The following CDH20 variants were observed in gnomAD, a reference collection of about 807,000 sequenced individuals.
CDH20 encodes the protein cadherin 20.
A neutral mutation model predicts 74.2 loss-of-function variants in CDH20; 29 were observed. The observed-to-expected ratio is 0.39, with a 90% CI of 0.29 to 0.53. CDH20 has a LOEUF of 0.53. Among genes scored for constraint, CDH20 ranks in the 20% least tolerant of loss-of-function variants. The probability of loss-of-function intolerance (pLI) is 0.69; values close to 1 mark genes in which losing one functional copy is unlikely to be tolerated. For synonymous variants in CDH20, 469 were observed against 405.4 expected, an observed-to-expected ratio of 1.16 and a Z score of -1.88; for missense variants, 988 against 1,048.3, an observed-to-expected ratio of 0.94 and a Z score of 0.79.
At chr18:61,363,703 G>C (rs1332568084) in intron 1 of CDH20, among the ~76,000 whole-genome samples, 1 of 152,116 alleles carries the variant, frequency 6.6e-6, no homozygotes, top group Non-Finnish European at 1.5e-5. Context: ...ACTTATTGCA[G>C]ATTTATGAAG....
At chr18:61,417,860 C>T (rs1379216322) in intron 1 of CDH20, among the ~76,000 whole-genome samples, 1 of 152,098 alleles carries the variant, frequency 6.6e-6, no homozygotes, top group Non-Finnish European at 1.5e-5. Flanking sequence ...TGATGGCTAC[C>T]TCAGTTACAC....
chr18:61,541,465 G>A (rs1913036110), intron 9 of CDH20, among the ~76,000 whole-genome samples: 1 of 152,074 alleles, frequency 6.6e-6, no homozygotes. Context: ...AACAAGTGAA[G>A]AACATTTCAA....
At chr18:61,542,270 G>A (rs912428863) in intron 9 of CDH20, among the ~76,000 whole-genome samples, 11 of 152,160 alleles carry the variant, frequency 7.2e-5, no homozygotes, top group African/African-American at 2.4e-4. Flanking sequence ...GATTGGCTGT[G>A]AGCAAGTTTA....
intron 1 of CDH20, among the ~76,000 whole-genome samples, chr18:61,362,720 T>C (rs927648489): frequency 2.0e-5 from 3 of 152,160 alleles, no homozygotes; most frequent in Non-Finnish European, 4.4e-5. Flanking sequence ...ATAGACTTAC[T>C]ACTATGACTA....
In CDH20 at chr18:61,353,692, T is replaced by C. The variant is rs74316367; in HGVS notation, c.-153+19865T>C. 3.7e-3 allele frequency among the ~76,000 whole-genome samples: 557 copies of C among 152,268 alleles called. 6 individuals are homozygous for C. The highest frequency in any genetic ancestry group is 0.033 in the South Asian group (157 of 4,820). ...TCGACCAACTCCAAACCCACTGAGA[T>C]CACTCTTGATCTTGGCCTGCACTAG... On this transcript the variant is annotated intron_variant, in intron 1 of 11. Coordinates refer to ENST00000262717, the MANE Select transcript of CDH20 (RefSeq NM_031891.4). This position sits in a 1 kb window ranked among gnomAD's most constrained non-coding sequence, Gnocchi z 4.6.
intron 4 of CDH20, among the ~76,000 whole-genome samples, chr18:61,501,588 G>C (rs1696163203): frequency 6.6e-6 from 1 of 151,992 alleles, no homozygotes; most frequent in South Asian, 2.1e-4. Context: ...ATTTGAAAAA[G>C]AAAAAATACA....
intron 1 of CDH20, among the ~76,000 whole-genome samples, chr18:61,489,939 A>G (rs1367735539): frequency 3.9e-5 from 6 of 152,188 alleles, no homozygotes; most frequent in Non-Finnish European, 8.8e-5. Context: ...TGACCAAAAA[A>G]AAACAAGGTA....
chr18:61,369,429 C>G (rs1910961187), intron 1 of CDH20, among the ~76,000 whole-genome samples: 1 of 152,066 alleles, frequency 6.6e-6, no homozygotes, highest in South Asian at 2.1e-4. Flanking sequence ...ACTAAATAAT[C>G]TAAAAATACC....
rs1909455577 is a variant in CDH20, at chr18:61,453,248, A to G, written c.-152-37154A>G. 4.6e-5 allele frequency among the ~76,000 whole-genome samples: 7 copies of G among 152,170 alleles called. No individual in the cohort carries two copies. In the South Asian group the frequency reaches 1.4e-3, roughly 31 times the overall value. On this transcript the variant is annotated intron_variant, in intron 1 of 11. Transcript: ENST00000262717. ...TGTCATTCCAAAAATGTTATACAAA[A>G]GGAACCACATGAGGCCTAATCTTTT...
At chr18:61,522,583 C>A (rs1248383552) in intron 6 of CDH20, among the ~76,000 whole-genome samples, 1 of 152,012 alleles carries the variant, frequency 6.6e-6, no homozygotes, top group African/African-American at 2.4e-5. Flanking sequence ...TCATATGGAT[C>A]CAAAAAAGAG....
intron 1 of CDH20, among the ~76,000 whole-genome samples, chr18:61,469,830 C>T (rs962510835): frequency 7.9e-5 from 12 of 152,122 alleles, no homozygotes; most frequent in African/African-American, 2.9e-4. Flanking sequence ...TACATACACA[C>T]ATGCTTACTA....
intron 1 of CDH20, among the ~76,000 whole-genome samples, chr18:61,400,060 A>C (rs1912106612): frequency 6.6e-6 from 1 of 152,174 alleles, no homozygotes; most frequent in Non-Finnish European, 1.5e-5. Flanking sequence ...AGAACAGAAA[A>C]GTCTTTGTTG....
intron 1 of CDH20, among the ~76,000 whole-genome samples, chr18:61,484,735 C>T (rs1468268052): frequency 3.2e-5 from 4 of 124,498 alleles, no homozygotes; most frequent in Non-Finnish European, 6.6e-5. Context: ...TTTTGCTCTA[C>T]TCCACACACA....
chr18:61,459,012 T>G (rs1178839638), intron 1 of CDH20, among the ~76,000 whole-genome samples: 3 of 152,218 alleles, frequency 2.0e-5, no homozygotes, highest in Non-Finnish European at 4.4e-5. Flanking sequence ...AAACTTCTTT[T>G]TAATACCATC....
At chr18:61,532,360 A>G (rs1912673638) in intron 7 of CDH20, among the ~76,000 whole-genome samples, 1 of 152,176 alleles carries the variant, frequency 6.6e-6, no homozygotes. Context: ...TTAGGGAGTC[A>G]TAACTTAAAT....
At chr18:61,527,861 G>C in intron 6 of CDH20, 106 bp from the exon 7 acceptor site, 1 of 1,042,494 alleles carries the variant, frequency 9.6e-7, no homozygotes, top group Non-Finnish European at 1.4e-6. Context: ...TAATGAATTG[G>C]AGAATCTTCC....
chr18:61,523,200 C>G (rs1320392844), intron 6 of CDH20, among the ~76,000 whole-genome samples: 1 of 123,702 alleles, frequency 8.1e-6, no homozygotes, highest in Admixed American at 9.8e-5. Flanking sequence ...CTACAAGGAA[C>G]TTAAACAAAT....
chr18:61,455,831 T>C (rs1160582401), intron 1 of CDH20, among the ~76,000 whole-genome samples: 2 of 152,246 alleles, frequency 1.3e-5, no homozygotes, highest in Non-Finnish European at 2.9e-5. Flanking sequence ...GTGAACCTTA[T>C]AATTCTGTCC....
chr18:61,505,925 T>C (rs1911545093), intron 5 of CDH20, among the ~76,000 whole-genome samples: 1 of 152,210 alleles, frequency 6.6e-6, no homozygotes, highest in African/African-American at 2.4e-5. Context: ...TCCATAAACC[T>C]ATCTTGGCTA....
Sources: gnomAD v4.1 joint callset for allele counts (sites outside exome capture counted in the v4.1 genomes callset) on GRCh38, gnomAD v4.1.1 for gene constraint, Gnocchi (gnomAD v3.1) non-coding constraint, MANE v1.5 for transcripts, NCBI Gene and HGNC (gene_info 2026-07-23, HGNC 2026-07-21) for gene names.